CMPK2: variants seen among roughly 807,000 people sequenced by gnomAD.
CMPK2 encodes the protein UMP-CMP kinase 2, mitochondrial.
Under a neutral mutation model 33.4 loss-of-function variants are expected in CMPK2, and 32 were observed. The ratio of observed to expected loss-of-function variants is 0.96; its 90% CI spans 0.72 to 1.29. The LOEUF (loss-of-function observed/expected upper bound fraction) is 1.29. Among genes scored for constraint, CMPK2 ranks in the 50% most tolerant of loss-of-function variants. The pLI is 0.00. For missense variants in CMPK2, 672 were observed against 616.0 expected, an observed-to-expected ratio of 1.09 and a Z score of -0.96; for synonymous variants, 299 against 275.3, an observed-to-expected ratio of 1.09 and a Z score of -0.85.
At chr2:6,853,820 T>A (rs567203528) in intron 3 of CMPK2, among the ~76,000 whole-genome samples, 1 of 152,026 alleles carries the variant, frequency 6.6e-6, no homozygotes, top group African/African-American at 2.4e-5. Context: ...GAGAATGGCG[T>A]GAACCCGGAA....
chr2:6,857,639 CTT>C (rs59168059), intron 3 of CMPK2, among the ~76,000 whole-genome samples: 3 of 131,720 alleles, frequency 2.3e-5, no homozygotes, highest in Admixed American at 7.9e-5. Context: ...CTTTTCTTTT[CTT>C]TTTTTTTTTT....
chr2:6,854,985 A>T (rs766508367), intron 3 of CMPK2, among the ~76,000 whole-genome samples: 1 of 151,962 alleles, frequency 6.6e-6, no homozygotes, highest in Non-Finnish European at 1.5e-5. Flanking sequence ...GTCATACCCT[A>T]CTAGGAAAAC....
chr2:6,841,946 A>G (rs1474998320), intron 3 of CMPK2, among the ~76,000 whole-genome samples: 4 of 152,180 alleles, frequency 2.6e-5, no homozygotes, highest in Non-Finnish European at 4.4e-5. Context: ...AGGAAAGCAT[A>G]CTTAGAATCC....
chr2:6,859,004 A>G (rs1662795934), intron 3 of CMPK2, among the ~76,000 whole-genome samples: 1 of 152,238 alleles, frequency 6.6e-6, no homozygotes, highest in African/African-American at 2.4e-5. Context: ...AATGAAATCC[A>G]GGCTGAGGTG....
At chr2:6,855,840 G>A (rs936052105) in intron 3 of CMPK2, among the ~76,000 whole-genome samples, 1 of 152,086 alleles carries the variant, frequency 6.6e-6, no homozygotes, top group East Asian at 1.9e-4. Flanking sequence ...GTGGTCTCTT[G>A]ATGGAATATT....
chr2:6,861,127 CCCACACACTTAT>C, intron 3 of CMPK2, 45 bp downstream of exon 3: 2 of 18,624 alleles, frequency 1.1e-4, no homozygotes, highest in Non-Finnish European at 1.9e-4. Context: ...CACACACACA[CCCACACACTTAT>C]ATATTAGGGA....
rs748949864 is a variant in CMPK2, at chr2:6,865,245, C to T, written c.452G>A (p.Gly151Asp). 262 of 1,536,052 alleles carry T rather than the reference C, an allele frequency of 1.7e-4. No individual in the cohort carries two copies. Among genetic ancestry groups the T allele is most frequent in the Non-Finnish European group, 2.3e-4 (259 of 1,148,784 alleles). The change falls in exon 1 of 5, where the codon GGC becomes GAC. Residue 151 changes from glycine (G) to aspartate (D), a missense_variant. Coordinates refer to ENST00000256722, the MANE Select transcript of CMPK2 (RefSeq NM_207315.4). ...CGGGCGTGGTGCCTCCTGACAGGCG[C>T]CCAGCAGCTCGAGCAGCGCTTGCCG... is the stretch of plus-strand genomic sequence containing the variant. ...DTRQALLELLGACQEAPRPHL... is the reference protein window; with the variant it reads ...DTRQALLELLDACQEAPRPHL...
intron 3 of CMPK2, 48 bp from the exon 4 acceptor site, chr2:6,851,731 A>G: frequency 6.4e-7 from 1 of 1,561,736 alleles, no homozygotes; most frequent in Non-Finnish European, 8.8e-7. Context: ...AAGAAGTCAA[A>G]GTAGCATCTG....
chr2:6,859,655 A>G (rs1444921591), intron 3 of CMPK2, among the ~76,000 whole-genome samples: 1 of 152,106 alleles, frequency 6.6e-6, no homozygotes, highest in Admixed American at 6.5e-5. Context: ...AGGTTTGGGA[A>G]CCTCCGCCTA....
chr2:6,853,953 T>G (rs111918804), intron 3 of CMPK2, among the ~76,000 whole-genome samples: 3,842 of 152,006 alleles, frequency 0.025, 155 homozygotes, highest in African/African-American at 0.087. Context: ...ACACCATCCA[T>G]CCTTCAAAGC....
rs1206522025 is a variant in CMPK2, at chr2:6,849,638, T to C, written c.*212A>G. ...AAGAAAGCAATCGCTGGCCTCTCAC[T>C]GGAACATGATGAGAGGGACCTTTGT... is the stretch of plus-strand genomic sequence containing the variant. On this transcript the variant is annotated 3_prime_UTR_variant, in exon 5 of 5. Coordinates refer to ENST00000256722, the MANE Select transcript of CMPK2 (RefSeq NM_207315.4). The C allele has an allele frequency of 2.9e-6, 4 of 1,377,858 alleles. No homozygotes were observed. The highest frequency in any genetic ancestry group is 3.7e-6 in the Non-Finnish European group (4 of 1,071,986). The allele number at this position is 1,377,858 out of a possible 1,614,324, so 85.4% of individuals were successfully genotyped here. A position where few individuals can be genotyped will look rare whatever the true frequency, so the allele number is the denominator to read the frequency against.
rs1439571988 is a variant in CMPK2, at chr2:6,865,173, C to A, written c.524G>T (p.Arg175Leu). 13 of 1,534,974 alleles carry A rather than the reference C, an allele frequency of 8.5e-6. No homozygotes were observed. The highest frequency in any genetic ancestry group is 1.1e-5 in the Non-Finnish European group (13 of 1,143,316). The change falls in exon 1 of 5, where the codon CGC (arginine) becomes CTC (leucine). Residue 175 changes from arginine (R) to leucine (L), a missense_variant. Coordinates refer to ENST00000256722, the MANE Select transcript of CMPK2 (RefSeq NM_207315.4). The stretch of plus-strand genomic sequence containing the variant: ...CCTGCCGTCTTGCACCTCCCAGAGG[C>A]GCTGCCACAGCTGGCCGCGCGGGTC... ...EADPRGQLWQ[R>L]LWEVQDGRRL...
chr2:6,863,662 C>T (rs574355772), intron 1 of CMPK2, 84 bp from the exon 2 acceptor site: 51 of 954,086 alleles, frequency 5.3e-5, no homozygotes, highest in South Asian at 3.3e-4. Context: ...ACAATATTGC[C>T]GCATGCTAAT....
At chr2:6,861,078 A>G in intron 3 of CMPK2, 106 bp downstream of exon 3, 2 of 950,364 alleles carry the variant, frequency 2.1e-6, no homozygotes, top group Middle Eastern at 2.2e-4. Flanking sequence ...TTTTCCTGGC[A>G]TATACATGTA....
chr2:6,863,729 T>C lies in CMPK2; in HGVS notation c.676-151A>G, dbSNP rs1276099477. 8.3e-6 allele frequency: 5 copies of C among 604,430 alleles called. No individual in the cohort carries two copies. The South Asian group carries it at 8.4e-5, about 10-fold the overall frequency. The allele number at this position is 604,430 out of a possible 1,614,324, so 37.4% of individuals were successfully genotyped here. On this transcript the variant is annotated intron_variant, in intron 1 of 4. Coordinates refer to ENST00000256722, the MANE Select transcript of CMPK2 (RefSeq NM_207315.4). ...GCCATGGGAATTCAGAGTATTTCGA[T>C]GCTAGGATGGACTGGAGTGTTTTAT...
At chr2:6,853,522 C>T (rs750370635) in intron 3 of CMPK2, among the ~76,000 whole-genome samples, 5 of 151,818 alleles carry the variant, frequency 3.3e-5, no homozygotes, top group Non-Finnish European at 7.4e-5. Flanking sequence ...TTAAAAAAAA[C>T]TGTATCACAC....
At chr2:6,859,086 A>G (rs1662797787) in intron 3 of CMPK2, among the ~76,000 whole-genome samples, 1 of 152,242 alleles carries the variant, frequency 6.6e-6, no homozygotes, top group Non-Finnish European at 1.5e-5. Flanking sequence ...TAGCAAAGAG[A>G]CTGGCGGCAT....
At chr2:6,851,033 T>TTTA in intron 4 of CMPK2, 1 of 1,031,256 alleles carries the variant, frequency 9.7e-7, no homozygotes, top group Non-Finnish European at 1.2e-6. Flanking sequence ...ATACGGCTAA[T>TTTA]GTTTTCCTCA....
intron 3 of CMPK2, 146 bp downstream of exon 3, chr2:6,861,038 C>A: frequency 3.1e-6 from 2 of 641,930 alleles, no homozygotes; most frequent in East Asian, 2.7e-5. Context: ...CTATTATTAT[C>A]ATAATAACAG....
Sources: gnomAD v4.1 joint callset for allele counts (sites outside exome capture counted in the v4.1 genomes callset) on GRCh38, gnomAD v4.1.1 for gene constraint, MANE v1.5 for transcripts, NCBI Gene and HGNC (gene_info 2026-07-23, HGNC 2026-07-21) for gene names.